ARMC3: variants seen among roughly 807,000 people sequenced by gnomAD.
ARMC3 encodes armadillo repeat-containing protein 3.
A neutral mutation model predicts 90.3 loss-of-function variants in ARMC3; 74 were observed. That is an observed-to-expected ratio of 0.82 (90% CI 0.68 to 0.99). The LOEUF (loss-of-function observed/expected upper bound fraction) is 0.99. ARMC3 is among the 50% of genes least tolerant of loss of function. ARMC3 has a pLI of 0.00. For synonymous variants in ARMC3, 334 were observed against 361.8 expected (o/e 0.92, Z 0.87); for missense variants, 958 against 1,042.8 (o/e 0.92, Z 1.12).
intron 10 of ARMC3, among the ~76,000 whole-genome samples, chr10:22,993,290 A>C (rs1229443778): frequency 6.6e-6 from 1 of 152,264 alleles, no homozygotes; most frequent in African/African-American, 2.4e-5. Flanking sequence ...CAAAGACAAA[A>C]TAGAGACATC....
intron 11 of ARMC3, among the ~76,000 whole-genome samples, chr10:23,000,234 G>A (rs941012374): frequency 6.6e-6 from 1 of 152,018 alleles, no homozygotes; most frequent in Admixed American, 6.5e-5. Flanking sequence ...CACACTGCTT[G>A]TAATTATGTC....
intron 12 of ARMC3, 32 bp downstream of exon 12, chr10:23,002,087 A>G: frequency 2.5e-6 from 4 of 1,609,824 alleles, no homozygotes; most frequent in South Asian, 2.2e-5. Context: ...TTTCTGGCTC[A>G]GATGAAGAGC....
chr10:22,962,900 C>A (rs1835263510), intron 7 of ARMC3, among the ~76,000 whole-genome samples: 1 of 152,138 alleles, frequency 6.6e-6, no homozygotes, highest in Non-Finnish European at 1.5e-5. Context: ...GTGGACCTAC[C>A]CGCCTTTGAT....
At position 23,038,319 on chromosome 10, in the gene ARMC3, G is replaced by A. The variant is rs981312272; in HGVS notation, c.*840G>A. The A allele has an allele frequency of 6.6e-6, 1 of 152,086 alleles. No individual in the cohort carries two copies. Among genetic ancestry groups the A allele is most frequent in the Admixed American group, 6.5e-5 (1 of 15,276 alleles). The allele number at this position is 152,086 out of a possible 1,614,324, so 9.4% of individuals were successfully genotyped here. ...AGTAAATTCACATTTCAAATGATAA[G>A]ACAAAAACTACTAATGTGGTTAATC... On this transcript the variant is annotated 3_prime_UTR_variant, in exon 19 of 19. Coordinates refer to ENST00000298032, the MANE Select transcript of ARMC3 (RefSeq NM_173081.5).
chr10:23,008,260 A>T lies in ARMC3; in HGVS notation c.1830-16A>T. The T allele has an allele frequency of 7.9e-7, 1 of 1,269,512 alleles. No homozygotes were observed. The highest frequency in any genetic ancestry group is 1.1e-6 in the Non-Finnish European group (1 of 913,244). 78.6% of individuals were successfully genotyped at this position (1,269,512 alleles called of 1,614,324 possible). On this transcript the variant is annotated splice_polypyrimidine_tract_variant and intron_variant, in intron 14 of 18. Transcript: ENST00000298032. ...AATTTTAATCTATATATAATTTTAA[A>T]TGTGTAAAATTTTAGTTCTCCACCT... is the stretch of plus-strand genomic sequence containing the variant.
At position 23,037,346 on chromosome 10, in the gene ARMC3, T is replaced by A. The variant is rs1839159521; in HGVS notation, c.2486T>A (p.Leu829Gln). The A allele has an allele frequency of 1.9e-6, 3 of 1,614,032 alleles. No homozygotes were observed. The East Asian group carries it at 6.7e-5, about 36-fold the overall frequency. ...EYGRAWNEVM[L>Q]QNDSRKGVIG... ...GGTAGAGCGTGGAATGAAGTCATGCTGCAGAATGACTCTCGGAAGGGAGTG... is the reference window on the plus strand; with the variant it reads ...GGTAGAGCGTGGAATGAAGTCATGCAGCAGAATGACTCTCGGAAGGGAGTG... The change falls in exon 19 of 19, where the codon CTG becomes CAG. Residue 829 changes from leucine (L) to glutamine (Q), a missense_variant. Transcript: ENST00000298032.
At position 23,006,865 on chromosome 10, in the gene ARMC3, T is replaced by C; in HGVS notation, c.1732-19T>C. 6.2e-7 allele frequency: 1 copy of C among 1,611,078 alleles called. No individual in the cohort carries two copies. Among genetic ancestry groups the C allele is most frequent in the Non-Finnish European group, 8.5e-7 (1 of 1,177,378 alleles). ...GACCCCTGCAGATACTACTTTTTGG[T>C]CCTTAAATTATCTCACAGATAAATC... On this transcript the variant is annotated intron_variant, in intron 13 of 18. Coordinates refer to ENST00000298032, the MANE Select transcript of ARMC3 (RefSeq NM_173081.5).
At chr10:22,995,825 C>T (rs1404121845) in intron 10 of ARMC3, among the ~76,000 whole-genome samples, 1 of 152,152 alleles carries the variant, frequency 6.6e-6, no homozygotes, top group African/African-American at 2.4e-5. Context: ...CTCCCTGGTA[C>T]ACACAAAAGA....
chr10:23,020,368 C>T (rs1838462784), intron 16 of ARMC3, among the ~76,000 whole-genome samples: 1 of 152,202 alleles, frequency 6.6e-6, no homozygotes, highest in East Asian at 1.9e-4. Context: ...CTCCTGACCT[C>T]AAGTGATCCA....
intron 14 of ARMC3, among the ~76,000 whole-genome samples, chr10:23,008,065 C>T (rs1185215549): frequency 2.6e-5 from 4 of 152,146 alleles, no homozygotes; most frequent in Non-Finnish European, 5.9e-5. Flanking sequence ...CATCGCACCA[C>T]TGCACTCCAG....
chr10:22,986,110 G>GCCCCCCCCCCCCCCCC (rs147031860), intron 10 of ARMC3, among the ~76,000 whole-genome samples: 2 of 101,530 alleles, frequency 2.0e-5, no homozygotes, highest in Non-Finnish European at 4.0e-5. Context: ...TGCACTGCAC[G>GCCCCCCCCCCCCCCCC]CCCCCCCCCC....
intron 16 of ARMC3, among the ~76,000 whole-genome samples, chr10:23,018,514 ATT>A (rs5783816): frequency 4.3e-5 from 5 of 115,468 alleles, no homozygotes; most frequent in African/African-American, 1.0e-4. Context: ...CACCTTAGTA[ATT>A]TTTTTTTTTT....
chr10:22,987,044 C>G (rs1487976169), intron 10 of ARMC3, among the ~76,000 whole-genome samples: 2 of 152,042 alleles, frequency 1.3e-5, no homozygotes, highest in Admixed American at 6.5e-5. Flanking sequence ...AACCAAGAAG[C>G]AATAATGAAT....
chr10:22,953,194 C>T (rs957853689), intron 3 of ARMC3, among the ~76,000 whole-genome samples: 1 of 152,122 alleles, frequency 6.6e-6, no homozygotes, highest in Non-Finnish European at 1.5e-5. Context: ...AAGGGGCTCA[C>T]TAGCCAAGGA....
In ARMC3 at chr10:22,981,600, CCA is replaced by C; in HGVS notation, c.1078_1079del (p.Gln360ValfsTer8). The C allele has an allele frequency of 1.2e-6, 2 of 1,614,024 alleles. No homozygotes were observed. The highest frequency in any genetic ancestry group is 2.2e-5 in the South Asian group (2 of 91,056). The part of the protein sequence containing the change: ...SKDFFNNQGI[P>X]QLIQLLKSDN... ...TTACCTTTCTCTTTCTGTAGGGATTCCACAGTTAATTCAGTTGCTAAAAAGTG... is the reference window on the plus strand; with the variant it reads ...TTACCTTTCTCTTTCTGTAGGGATTCCAGTTAATTCAGTTGCTAAAAAGTG... On this transcript the variant is annotated frameshift_variant, in exon 10 of 19. Coordinates refer to ENST00000298032, the MANE Select transcript of ARMC3 (RefSeq NM_173081.5). LOFTEE classifies it high-confidence loss of function.
chr10:23,008,762 T>G, intron 15 of ARMC3, 53 bp from the exon 16 acceptor site: 1 of 1,416,556 alleles, frequency 7.1e-7, no homozygotes, highest in Non-Finnish European at 9.9e-7. Context: ...ATGTAATGTA[T>G]TGTTGTTTTC....
chr10:22,975,426 G>A (rs1457481524), intron 8 of ARMC3, among the ~76,000 whole-genome samples: 1 of 152,116 alleles, frequency 6.6e-6, no homozygotes, highest in Non-Finnish European at 1.5e-5. Context: ...TTAGCCAGGT[G>A]TAGTGATACA....
At chr10:22,932,748 T>C (rs528253763) in intron 2 of ARMC3, among the ~76,000 whole-genome samples, 9 of 152,206 alleles carry the variant, frequency 5.9e-5, no homozygotes, top group Non-Finnish European at 1.2e-4. Flanking sequence ...GTCCACAGAC[T>C]CACAGCAATT....
intron 16 of ARMC3, among the ~76,000 whole-genome samples, chr10:23,029,103 T>A (rs1417148348): frequency 2.0e-5 from 3 of 152,178 alleles, no homozygotes; most frequent in African/African-American, 7.2e-5. Flanking sequence ...ACAGGATTCC[T>A]TATGGGCTTA....
Sources: allele counts gnomAD v4.1 joint callset (sites outside exome capture counted in the v4.1 genomes callset), GRCh38; gene constraint gnomAD v4.1.1; transcripts MANE v1.5; gene names NCBI Gene and HGNC (gene_info 2026-07-23, HGNC 2026-07-21).